Variants in MACROD2 observed in about 807,000 individuals in gnomAD.
MACROD2 encodes mono-ADP ribosylhydrolase 2.
A neutral mutation model predicts 70.4 loss-of-function variants in MACROD2; 36 were observed. The ratio of observed to expected loss-of-function variants is 0.51; its 90% confidence interval spans 0.39 to 0.68. The LOEUF is 0.68. MACROD2 is among the 30% of genes least tolerant of loss of function. The pLI, the probability that MACROD2 is intolerant of heterozygous loss-of-function variation, is 0.00. For synonymous variants in MACROD2, 172 were observed against 178.8 expected (o/e 0.96, Z 0.30); for missense variants, 496 against 538.4 (o/e 0.92, Z 0.78).
intron 4 of MACROD2, among the ~76,000 whole-genome samples, chr20:14,508,764 A>G (rs895096400): frequency 1.3e-5 from 2 of 152,180 alleles, no homozygotes; most frequent in Non-Finnish European, 1.5e-5. Flanking sequence ...TTTCAAACAC[A>G]TAGAAAATTA....
rs62194199 is a variant in MACROD2 at position 15,987,074 on chromosome 20, T to C, written c.1069T>C (p.Ser357Pro). The change falls in exon 15 of 18, where the codon TCA (serine) becomes CCA (proline). Residue 357 changes from serine (S) to proline (P), a missense_variant. Coordinates refer to ENST00000684519, the MANE Select transcript of MACROD2 (RefSeq NM_001351661.2). The stretch of plus-strand genomic sequence containing the variant: ...TGTCTCATTCTATTTAGAACTTTCA[T>C]CAAACCAAGAAGATGCCGTGATTGT... ...SSYMETEELSSNQEDAVIVEQ... is the reference protein window; with the variant it reads ...SSYMETEELSPNQEDAVIVEQ... 19,097 of 1,608,770 alleles carry C rather than the reference T, an allele frequency of 0.012. 1,416 individuals carry two copies. In the East Asian group the frequency reaches 0.21, roughly 17 times the overall value.
intron 10 of MACROD2, among the ~76,000 whole-genome samples, chr20:15,922,622 G>A (rs1028052933): frequency 2.0e-5 from 3 of 152,206 alleles, no homozygotes; most frequent in East Asian, 1.9e-4. Context: ...AAAAGTCTCC[G>A]CTGGGGCAGT....
chr20:14,460,984 A>C (rs1423049631), intron 3 of MACROD2, among the ~76,000 whole-genome samples: 1 of 151,668 alleles, frequency 6.6e-6, no homozygotes, highest in Non-Finnish European at 1.5e-5. Context: ...CGTTCGGAAT[A>C]GTTTCAGAGG....
At chr20:14,398,451 G>T (rs2083603609) in intron 3 of MACROD2, among the ~76,000 whole-genome samples, 2 of 150,912 alleles carry the variant, frequency 1.3e-5, no homozygotes, top group Admixed American at 6.6e-5. Flanking sequence ...ATTCTAACTG[G>T]GGCGAGATGA....
chr20:14,853,091 A>C (rs2073215927), intron 5 of MACROD2, among the ~76,000 whole-genome samples: 1 of 151,804 alleles, frequency 6.6e-6, no homozygotes. Context: ...ATAATGGGGA[A>C]ATTCTATAGT....
intron 8 of MACROD2, among the ~76,000 whole-genome samples, chr20:15,593,587 T>C (rs1452135973): frequency 1.3e-5 from 2 of 152,234 alleles, no homozygotes; most frequent in Non-Finnish European, 2.9e-5. Flanking sequence ...TAAGGTTTAT[T>C]AAGACCACAT....
intron 5 of MACROD2, among the ~76,000 whole-genome samples, chr20:14,937,190 G>T (rs533025064): frequency 1.3e-5 from 2 of 152,186 alleles, no homozygotes; most frequent in East Asian, 3.9e-4. Flanking sequence ...AAAGGTGGAG[G>T]TAGGGGTGGA....
intron 5 of MACROD2, among the ~76,000 whole-genome samples, chr20:14,879,151 C>T (rs1359095153): frequency 6.6e-6 from 1 of 152,074 alleles, no homozygotes; most frequent in Non-Finnish European, 1.5e-5. Context: ...ACCTTGTACA[C>T]AGTACAGGTT....
intron 3 of MACROD2, among the ~76,000 whole-genome samples, chr20:14,390,946 T>C (rs2083520012): frequency 2.0e-5 from 3 of 152,230 alleles, no homozygotes; most frequent in Admixed American, 2.0e-4. Flanking sequence ...CCAGTCAGAA[T>C]GGCTATTATT....
chr20:14,755,724 T>C (rs957396318), intron 5 of MACROD2, among the ~76,000 whole-genome samples: 2 of 151,886 alleles, frequency 1.3e-5, no homozygotes, highest in African/African-American at 4.8e-5. Context: ...CCCTGGGTAC[T>C]TTTCTATGTC....
intron 3 of MACROD2, among the ~76,000 whole-genome samples, chr20:14,364,900 C>T (rs983892774): frequency 2.0e-5 from 3 of 152,120 alleles, no homozygotes; most frequent in African/African-American, 7.2e-5. Flanking sequence ...AACTTTTTTT[C>T]ATTTATATTC....
At chr20:15,595,006 G>A (rs2048727706) in intron 8 of MACROD2, among the ~76,000 whole-genome samples, 1 of 152,036 alleles carries the variant, frequency 6.6e-6, no homozygotes, top group African/African-American at 2.4e-5. Context: ...TTACTTCATT[G>A]TCTTTACTCT....
chr20:14,502,404 G>A (rs773010211), intron 4 of MACROD2, among the ~76,000 whole-genome samples: 2 of 152,082 alleles, frequency 1.3e-5, no homozygotes, highest in Non-Finnish European at 2.9e-5. Flanking sequence ...AGGCACTGTG[G>A]GTCCCTCGGG....
At chr20:14,223,577 G>A (rs950022504) in intron 3 of MACROD2, among the ~76,000 whole-genome samples, 4 of 150,194 alleles carry the variant, frequency 2.7e-5, no homozygotes, top group Non-Finnish European at 4.4e-5. Context: ...GTGCAATCTC[G>A]GCTCACTGCA....
At chr20:15,864,273 G>A (rs1558383) in intron 9 of MACROD2, among the ~76,000 whole-genome samples, 102,582 of 151,944 alleles carry the variant, frequency 0.68, 37,035 homozygotes, top group Non-Finnish European at 0.8. Flanking sequence ...CTTGCTTTAT[G>A]ACAATATTGA....
At chr20:14,136,079 A>C (rs2054792743) in intron 3 of MACROD2, among the ~76,000 whole-genome samples, 1 of 152,360 alleles carries the variant, frequency 6.6e-6, no homozygotes, top group Non-Finnish European at 1.5e-5. Flanking sequence ...TTCTATTAGA[A>C]AATTCTAAGG....
In MACROD2 at chr20:13,995,929, G is replaced by A. The variant is rs978827696; in HGVS notation, c.46+120G>A. 5.1e-6 allele frequency: 6 copies of A among 1,177,984 alleles called. No individual in the cohort carries two copies. The highest frequency in any genetic ancestry group is 7.3e-6 in the Non-Finnish European group (6 of 819,596). 73.0% of individuals were successfully genotyped at this position (1,177,984 alleles called of 1,614,324 possible). A position where few individuals can be genotyped will look rare whatever the true frequency, so the allele number is the denominator to read the frequency against. ...CTCCCGCCTCGCGCCCTCCCGGCCG[G>A]TGCCGCCTCCCTCCGGTGTCCGTGT... On this transcript the variant is annotated intron_variant, in intron 1 of 17. Transcript: ENST00000684519. This position sits in a 1 kb window ranked among gnomAD's most constrained non-coding sequence, Gnocchi z 4.3.
chr20:14,101,825 A>G (rs1225836012), intron 3 of MACROD2, among the ~76,000 whole-genome samples: 1 of 151,420 alleles, frequency 6.6e-6, no homozygotes, highest in Non-Finnish European at 1.5e-5. Flanking sequence ...CATTTATTCC[A>G]TGTTATTTTG....
intron 8 of MACROD2, among the ~76,000 whole-genome samples, chr20:15,738,843 G>C (rs16996441): frequency 1.4e-4 from 22 of 152,094 alleles, no homozygotes; most frequent in Admixed American, 6.5e-5. Flanking sequence ...ATGTTCTGTC[G>C]GGGAGGAGAG....
Sources: allele counts gnomAD v4.1 joint callset (sites outside exome capture counted in the v4.1 genomes callset), GRCh38; gene constraint gnomAD v4.1.1; non-coding constraint Gnocchi (gnomAD v3.1); transcripts MANE v1.5; gene names NCBI Gene and HGNC (gene_info 2026-07-23, HGNC 2026-07-21).